The following SCARA5 variants were observed in gnomAD, a reference collection of about 807,000 sequenced individuals.
SCARA5 encodes scavenger receptor class A member 5.
Under a neutral mutation model 46.3 loss-of-function variants are expected in SCARA5, and 45 were observed. The ratio of observed to expected loss-of-function variants is 0.97; its 90% CI spans 0.76 to 1.24. The LOEUF is 1.24. Among genes scored for constraint, SCARA5 ranks in the 50% most tolerant of loss-of-function variants. The probability of loss-of-function intolerance (pLI) is 0.00; values close to 1 mark genes in which losing one functional copy is unlikely to be tolerated. For missense variants in SCARA5, 680 were observed against 689.0 expected (o/e 0.99, Z 0.15); for synonymous variants, 333 against 306.5 (o/e 1.09, Z -0.90).
intron 7 of SCARA5, among the ~76,000 whole-genome samples, chr8:27,881,711 C>G (rs1034117843): frequency 2.0e-5 from 3 of 152,020 alleles, no homozygotes; most frequent in African/African-American, 4.8e-5. Context: ...ATAAAATAGC[C>G]TTTTTTAAAG....
chr8:27,922,053 G>A lies in SCARA5; in HGVS notation c.434C>T (p.Ala145Val). The change falls in exon 4 of 9, where the codon GCA (alanine) becomes GTA (valine). Residue 145 changes from alanine (A) to valine (V), a missense_variant. Transcript: ENST00000354914. ...QSDSLLALAG[A>V]VQRLEGALWG... ...CAGCGCGCCCTCCAGCCGCTGCACT[G>A]CGCCCGCCAGCGCCAGCAACGAGTC... is the stretch of plus-strand genomic sequence containing the variant. 1 of 1,576,074 alleles carries A rather than the reference G, an allele frequency of 6.3e-7. No individual in the cohort carries two copies. The highest frequency in any genetic ancestry group is 1.1e-5 in the South Asian group (1 of 87,120).
chr8:27,932,370 T>G (rs1375645497), intron 3 of SCARA5, among the ~76,000 whole-genome samples: 1 of 152,256 alleles, frequency 6.6e-6, no homozygotes, highest in Non-Finnish European at 1.5e-5. Context: ...CTTCTGTGAC[T>G]CAGATAGCAA....
intron 7 of SCARA5, 36 bp from the exon 8 acceptor site, chr8:27,879,802 G>A: frequency 6.2e-7 from 1 of 1,603,692 alleles, no homozygotes; most frequent in Non-Finnish European, 8.5e-7. Context: ...CCCAGCTCTA[G>A]ATACACCAGG....
At chr8:27,987,759 C>T in intron 1 of SCARA5, 129 bp from the exon 2 acceptor site, 2 of 620,374 alleles carry the variant, frequency 3.2e-6, no homozygotes, top group Non-Finnish European at 5.8e-6. Context: ...AGCCTGAACA[C>T]CGGGACCCTC....
At chr8:27,985,807 G>A (rs967983251) in intron 2 of SCARA5, among the ~76,000 whole-genome samples, 1 of 152,234 alleles carries the variant, frequency 6.6e-6, no homozygotes. Flanking sequence ...GACATGGCTA[G>A]CATGGCTCCC....
At chr8:27,922,773 C>T (rs1052863662) in intron 3 of SCARA5, among the ~76,000 whole-genome samples, 2 of 124,526 alleles carry the variant, frequency 1.6e-5, no homozygotes, top group Non-Finnish European at 3.6e-5. Flanking sequence ...GAAACTTAAT[C>T]ACCAAAGTCA....
chr8:27,923,795 G>A (rs1398270046), intron 3 of SCARA5, among the ~76,000 whole-genome samples: 1 of 152,014 alleles, frequency 6.6e-6, no homozygotes, highest in African/African-American at 2.4e-5. Flanking sequence ...GGATGGTCTC[G>A]ATCTCTTGAC....
At chr8:27,926,897 T>C (rs1050936438) in intron 3 of SCARA5, among the ~76,000 whole-genome samples, 3 of 152,166 alleles carry the variant, frequency 2.0e-5, no homozygotes, top group Admixed American at 2.0e-4. Flanking sequence ...TGTCAGTCTC[T>C]TCTCATGATG....
chr8:27,987,357 C>A, intron 2 of SCARA5, 147 bp downstream of exon 2: 1 of 637,498 alleles, frequency 1.6e-6, no homozygotes, highest in South Asian at 1.8e-5. Flanking sequence ...TGGAGAAGAC[C>A]TTTTAAAGCA....
chr8:27,980,170 C>T (rs1808591964), intron 2 of SCARA5, among the ~76,000 whole-genome samples: 1 of 152,146 alleles, frequency 6.6e-6, no homozygotes, highest in African/African-American at 2.4e-5. Flanking sequence ...GCACACAGCA[C>T]CTGCAGGATC....
At chr8:27,959,566 G>A (rs934247793) in intron 3 of SCARA5, among the ~76,000 whole-genome samples, 4 of 152,216 alleles carry the variant, frequency 2.6e-5, no homozygotes, top group African/African-American at 9.6e-5. Context: ...AGCATGGTGA[G>A]TGTGAAGACC....
At chr8:27,973,606 C>T (rs904201103) in intron 2 of SCARA5, among the ~76,000 whole-genome samples, 1 of 152,124 alleles carries the variant, frequency 6.6e-6, no homozygotes, top group Non-Finnish European at 1.5e-5. Context: ...ATACTTTACT[C>T]CTGGTTGAAA....
intron 4 of SCARA5, among the ~76,000 whole-genome samples, chr8:27,918,145 C>T (rs1420515980): frequency 6.6e-6 from 1 of 152,112 alleles, no homozygotes; most frequent in African/African-American, 2.4e-5. Context: ...TTGAACTGTA[C>T]ACCTGAAAAG....
rs1223715591 is a variant in SCARA5 at position 27,966,406 on chromosome 8, G to A, written c.241+8C>T. On this transcript the variant is annotated splice_region_variant and intron_variant, in intron 3 of 8. Transcript: ENST00000354914. ...CAAAAGACCAGGACAAAAATGGCCT[G>A]CTCTTACCTGCTAAGATGAAGATGC... 2 of 1,602,078 alleles carry A rather than the reference G, an allele frequency of 1.2e-6. No individual in the cohort carries two copies. Among genetic ancestry groups the A allele is most frequent in the South Asian group, 1.1e-5 (1 of 88,526 alleles).
chr8:27,885,203 G>A (rs1193723116), intron 7 of SCARA5, among the ~76,000 whole-genome samples: 2 of 152,128 alleles, frequency 1.3e-5, no homozygotes, highest in Non-Finnish European at 2.9e-5. Flanking sequence ...GAGAGCAGGT[G>A]CCATTTTGGA....
Position 27,987,503 on chromosome 8 carries a change from C to A in SCARA5, c.112+1G>T. ...CCCAAGTCTGAGCCAGCTGCACTCACCATCCTCACACAGGTTCAGCTTGGA... is the reference window on the plus strand; with the variant it reads ...CCCAAGTCTGAGCCAGCTGCACTCAACATCCTCACACAGGTTCAGCTTGGA... On this transcript the variant is annotated splice_donor_variant, in intron 2 of 8. Transcript: ENST00000354914. LOFTEE classifies it high-confidence loss of function. 6.2e-7 allele frequency: 1 copy of A among 1,608,052 alleles called. No homozygotes were observed. The highest frequency in any genetic ancestry group is 1.1e-5 in the South Asian group (1 of 90,948).
intron 3 of SCARA5, among the ~76,000 whole-genome samples, chr8:27,946,421 T>C (rs943838478): frequency 3.9e-5 from 6 of 152,206 alleles, no homozygotes; most frequent in Admixed American, 2.0e-4. Flanking sequence ...GGTCCCTTCA[T>C]TGGACCTCCT....
chr8:27,903,699 T>A (rs1807200831), intron 7 of SCARA5: 1 of 152,452 alleles, frequency 6.6e-6, no homozygotes, highest in Admixed American at 6.5e-5. Context: ...GGTATTGCGT[T>A]GAATTTTGGT....
At chr8:27,893,366 C>T (rs537225447) in intron 7 of SCARA5, among the ~76,000 whole-genome samples, 11 of 152,308 alleles carry the variant, frequency 7.2e-5, no homozygotes, top group Non-Finnish European at 1.2e-4. Flanking sequence ...GCTGCGACCA[C>T]GCTTGAGCTC....
Sources: allele counts gnomAD v4.1 joint callset (sites outside exome capture counted in the v4.1 genomes callset), GRCh38; gene constraint gnomAD v4.1.1; transcripts MANE v1.5; gene names NCBI Gene and HGNC (gene_info 2026-07-23, HGNC 2026-07-21).